Variants in XKR6 observed in about 807,000 individuals in gnomAD.
XKR6 encodes XK-related protein 6.
Under a neutral mutation model 56.7 loss-of-function variants are expected in XKR6, and 22 were observed. The ratio of observed to expected loss-of-function variants is 0.39; its 90% CI spans 0.28 to 0.55. The LOEUF is 0.55. Ranked by LOEUF, XKR6 falls within the 20% of genes least tolerant of loss-of-function variation. The probability of loss-of-function intolerance (pLI) is 0.66; values close to 1 mark genes in which losing one functional copy is unlikely to be tolerated. For synonymous variants in XKR6, 524 were observed against 387.8 expected, an observed-to-expected ratio of 1.35 and a Z score of -4.13; for missense variants, 852 against 889.0, an observed-to-expected ratio of 0.96 and a Z score of 0.53.
chr8:11,135,960 TTTATA>T (rs1178723418), intron 1 of XKR6, among the ~76,000 whole-genome samples: 6 of 152,200 alleles, frequency 3.9e-5, no homozygotes, highest in African/African-American at 1.2e-4. Flanking sequence ...TAATATATTG[TTTATA>T]TAACTCAAAG....
At chr8:10,946,204 C>G (rs938435249) in intron 1 of XKR6, among the ~76,000 whole-genome samples, 2 of 151,994 alleles carry the variant, frequency 1.3e-5, no homozygotes, top group Non-Finnish European at 2.9e-5. Flanking sequence ...CACAGGTTGC[C>G]CATGGGGAAT....
chr8:11,176,918 C>T (rs1563196496), intron 1 of XKR6, among the ~76,000 whole-genome samples: 1 of 152,300 alleles, frequency 6.6e-6, no homozygotes, highest in East Asian at 1.9e-4. Context: ...CCACTGACAA[C>T]CACTTTCAGC....
At chr8:11,082,939 T>C (rs886743940) in intron 1 of XKR6, among the ~76,000 whole-genome samples, 2 of 152,238 alleles carry the variant, frequency 1.3e-5, no homozygotes, top group African/African-American at 4.8e-5. Context: ...CTCGTCTTTA[T>C]AGCTGCTGCG....
chr8:10,998,028 G>T (rs936200267), intron 1 of XKR6, among the ~76,000 whole-genome samples: 2 of 152,088 alleles, frequency 1.3e-5, no homozygotes, highest in African/African-American at 2.4e-5. Context: ...CAGAGGAGAG[G>T]CAACAGGTCT....
At chr8:11,128,396 T>C (rs1387065511) in intron 1 of XKR6, among the ~76,000 whole-genome samples, 12 of 152,214 alleles carry the variant, frequency 7.9e-5, no homozygotes, top group Non-Finnish European at 1.5e-5. Context: ...TAGGTCTCAG[T>C]CAGACCTCTG....
At chr8:10,950,676 T>C (rs778313141) in intron 1 of XKR6, among the ~76,000 whole-genome samples, 5 of 152,204 alleles carry the variant, frequency 3.3e-5, no homozygotes, top group African/African-American at 7.2e-5. Flanking sequence ...AATTCATTCG[T>C]TCATACCTCA....
intron 1 of XKR6, among the ~76,000 whole-genome samples, chr8:10,976,748 C>T (rs7830359): frequency 0.29 from 39,953 of 137,862 alleles, 6,166 homozygotes; most frequent in Non-Finnish European, 0.38. Flanking sequence ...TAGGCTACCT[C>T]GCCTGTCTCT....
intron 1 of XKR6, among the ~76,000 whole-genome samples, chr8:11,178,554 A>ATATATATATG (rs1802785350): frequency 1.3e-4 from 16 of 124,456 alleles, no homozygotes; most frequent in African/African-American, 5.0e-4. Context: ...AAAAATATAT[A>ATATATATATG]TATATATATA....
intron 1 of XKR6, among the ~76,000 whole-genome samples, chr8:10,932,385 A>G (rs1801076642): frequency 6.6e-6 from 1 of 152,120 alleles, no homozygotes; most frequent in South Asian, 2.1e-4. Flanking sequence ...TGTCCACACA[A>G]AAATGTGTGC....
chr8:11,122,476 C>T (rs781566737), intron 1 of XKR6, among the ~76,000 whole-genome samples: 23 of 152,244 alleles, frequency 1.5e-4, no homozygotes, highest in Admixed American at 3.3e-4. Context: ...GCCCCTCCAC[C>T]TGCCCAAAAT....
chr8:11,041,664 T>C (rs1240741938), intron 1 of XKR6, among the ~76,000 whole-genome samples: 1 of 151,844 alleles, frequency 6.6e-6, no homozygotes, highest in African/African-American at 2.4e-5. Flanking sequence ...AGTGGGGTTG[T>C]GGGTCATCTT....
rs145673432 is a variant in XKR6 at position 11,168,201 on chromosome 8, T to A, written c.764+32375A>T. Among the ~76,000 whole-genome samples, 18 of 152,288 alleles carry A rather than the reference T, an allele frequency of 1.2e-4. No individual in the cohort carries two copies. The East Asian group carries it at 3.1e-3, about 26-fold the overall frequency. On this transcript the variant is annotated intron_variant, in intron 1 of 2. Coordinates refer to ENST00000416569, the MANE Select transcript of XKR6 (RefSeq NM_173683.4). ...GCCCATTCAAAGGAACGAAATTAAC[T>A]GACAGAACATGTCCCTGAGAAGGCC... is the stretch of plus-strand genomic sequence containing the variant.
intron 1 of XKR6, among the ~76,000 whole-genome samples, chr8:11,030,172 G>A (rs1277209709): frequency 2.6e-5 from 4 of 152,152 alleles, no homozygotes; most frequent in African/African-American, 9.7e-5. Context: ...TCTGTTGCCT[G>A]CCCGAGTTGG....
intron 1 of XKR6, among the ~76,000 whole-genome samples, chr8:11,053,934 T>G (rs1315147559): frequency 6.6e-6 from 1 of 152,194 alleles, no homozygotes. Context: ...CAAACATGCT[T>G]TCTGGAGGGA....
intron 1 of XKR6, among the ~76,000 whole-genome samples, chr8:10,994,563 G>A (rs1473911598): frequency 6.6e-6 from 1 of 152,188 alleles, no homozygotes; most frequent in African/African-American, 2.4e-5. Flanking sequence ...TCAAATCTGG[G>A]AACCAGAGTC....
intron 1 of XKR6, among the ~76,000 whole-genome samples, chr8:10,989,962 T>C (rs1797951264): frequency 6.6e-6 from 1 of 152,214 alleles, no homozygotes; most frequent in Non-Finnish European, 1.5e-5. Context: ...TCATTCTGTA[T>C]CTAGGGAATC....
chr8:11,059,655 G>GGGGCGCGGGGCGGGACAGGTGCGGC (rs1270473467), intron 1 of XKR6, among the ~76,000 whole-genome samples: 11 of 132,160 alleles, frequency 8.3e-5, no homozygotes, highest in Admixed American at 2.8e-4. Flanking sequence ...ACAGGTGCGG[G>GGGGCGCGGGGCGGGACAGGTGCGGC]GGGCGCGGGG....
chr8:11,172,144 G>A (rs1046499708), intron 1 of XKR6, among the ~76,000 whole-genome samples: 1 of 152,000 alleles, frequency 6.6e-6, no homozygotes, highest in Admixed American at 6.6e-5. Flanking sequence ...CCTGAGGCCA[G>A]CAGATTGCTT....
chr8:11,020,016 G>A (rs1286691981), intron 1 of XKR6, among the ~76,000 whole-genome samples: 1 of 152,208 alleles, frequency 6.6e-6, no homozygotes, highest in Non-Finnish European at 1.5e-5. Flanking sequence ...AGGAATGGCA[G>A]GCCTCTCCAA....
Sources: gnomAD v4.1 joint callset for allele counts (sites outside exome capture counted in the v4.1 genomes callset) on GRCh38, gnomAD v4.1.1 for gene constraint, MANE v1.5 for transcripts, NCBI Gene and HGNC (gene_info 2026-07-23, HGNC 2026-07-21) for gene names.